NICN1: variants seen among roughly 807,000 people sequenced by gnomAD.
The protein encoded by NICN1 is nicolin 1, tubulin polyglutamylase complex subunit, also known as nicolin-1.
Under a neutral mutation model 26.3 loss-of-function variants are expected in NICN1, and 18 were observed. The ratio of observed to expected loss-of-function variants is 0.68; its 90% CI spans 0.47 to 1.01. The LOEUF is 1.01. Among genes scored for constraint, NICN1 ranks in the 50% least tolerant of loss-of-function variants. NICN1 has a pLI of 0.00. For synonymous variants in NICN1, 109 were observed against 111.0 expected, an observed-to-expected ratio of 0.98 and a Z score of 0.11; for missense variants, 239 against 278.3, an observed-to-expected ratio of 0.86 and a Z score of 1.00.
intron 1 of NICN1, 97 bp from the exon 2 acceptor site, chr3:49,426,525 T>C: frequency 2.4e-6 from 2 of 829,154 alleles, no homozygotes; most frequent in Non-Finnish European, 3.8e-6. Flanking sequence ...TCTCCCCACC[T>C]TTTCTTTTTT....
At position 49,422,423 on chromosome 3, in the gene NICN1, G is replaced by A. The variant is rs774408322; in HGVS notation, c.*2410C>T. The stretch of plus-strand genomic sequence containing the variant: ...AATGCCTGCAGGCGAAAGCCCAGAC[G>A]GGCCACCACACTTACAGCCCTCTGC... On this transcript the variant is annotated 3_prime_UTR_variant, in exon 6 of 6. Coordinates refer to ENST00000273598, the MANE Select transcript of NICN1 (RefSeq NM_032316.3). 6.2e-6 allele frequency: 10 copies of A among 1,613,304 alleles called. No individual in the cohort carries two copies. The highest frequency in any genetic ancestry group is 1.1e-5 in the South Asian group (1 of 91,072).
At chr3:49,427,659 A>G (rs1236125059) in intron 1 of NICN1, among the ~76,000 whole-genome samples, 1 of 151,906 alleles carries the variant, frequency 6.6e-6, no homozygotes, top group East Asian at 1.9e-4. Flanking sequence ...AAAAAAAAAA[A>G]AAAAGAAATG....
intron 1 of NICN1, among the ~76,000 whole-genome samples, chr3:49,427,228 G>A (rs2049180182): frequency 6.6e-6 from 1 of 151,892 alleles, no homozygotes; most frequent in Admixed American, 6.6e-5. Flanking sequence ...GGCTGAGGCA[G>A]GAGAATGGCG....
chr3:49,426,315 G>C lies in NICN1; in HGVS notation c.246C>G (p.Cys82Trp). ...AKWVTCLRDY[C>W]LMPDPHSEEG... ...CCTCACTGTGTGGGTCAGGCATTAG[G>C]CAGTAGTCCCGCAGGCAGGTCACCC... Residue 82 changes from cysteine (C) to tryptophan (W), a missense_variant, in exon 2 of 6, where the codon TGC becomes TGG. Coordinates refer to ENST00000273598, the MANE Select transcript of NICN1 (RefSeq NM_032316.3). 1.2e-6 allele frequency: 2 copies of C among 1,614,212 alleles called. No homozygotes were observed. The highest frequency in any genetic ancestry group is 2.2e-5 in the South Asian group (2 of 91,086).
Position 49,425,070 on chromosome 3 carries a change from G to T in NICN1, c.496-17C>A, listed in dbSNP as rs1409003352. 1.2e-6 allele frequency: 2 copies of T among 1,601,522 alleles called. No homozygotes were observed. On this transcript the variant is annotated splice_polypyrimidine_tract_variant and intron_variant, in intron 4 of 5. Coordinates refer to ENST00000273598, the MANE Select transcript of NICN1 (RefSeq NM_032316.3). The stretch of plus-strand genomic sequence containing the variant: ...TGGGAGACCCTGCTCCAGAAGGAGG[G>T]GTCAGTGGCCATGGGTCTCTCCCCA...
chr3:49,428,061 A>C (rs1449412785), intron 1 of NICN1, among the ~76,000 whole-genome samples: 1 of 152,092 alleles, frequency 6.6e-6, no homozygotes, highest in East Asian at 1.9e-4. Flanking sequence ...TCTACTAAAA[A>C]TACAAAAATT....
rs1171686644 is a variant in NICN1 at position 49,424,870 on chromosome 3, T to C, written c.605A>G (p.Asp202Gly). 1 of 1,613,638 alleles carries C rather than the reference T, an allele frequency of 6.2e-7. No individual in the cohort carries two copies. Among genetic ancestry groups the C allele is most frequent in the East Asian group, 2.2e-5 (1 of 44,868 alleles). The change falls in exon 6 of 6, where the codon GAT (aspartate) becomes GGT (glycine). Residue 202 changes from aspartate (D) to glycine (G), a missense_variant. By Grantham distance (94) the Asp-to-Gly change is moderately conservative. Transcript: ENST00000273598. ...GAGCAAGTTCAGGTCATAACAGCCATCCACCTGAAATACAAAAGACCATCA... is the reference window on the plus strand; with the variant it reads ...GAGCAAGTTCAGGTCATAACAGCCACCCACCTGAAATACAAAAGACCATCA... Reference protein sequence around the residue: ...TSARIGRFDVDGCYDLNLLSY... With the variant: ...TSARIGRFDVGGCYDLNLLSY...
rs1172065675 is a variant in NICN1 at position 49,422,512 on chromosome 3, G to A, written c.*2321C>T. 2.0e-6 allele frequency: 3 copies of A among 1,535,588 alleles called. No homozygotes were observed. Among genetic ancestry groups the A allele is most frequent in the Non-Finnish European group, 8.9e-7 (1 of 1,118,898 alleles). Reference sequence around the variant, plus strand: ...CACCACACTGCCAGGCACGCCGGGAGATGTAGTCCAGGCCTCTGCTCGGAC... The same window carrying A: ...CACCACACTGCCAGGCACGCCGGGAAATGTAGTCCAGGCCTCTGCTCGGAC... On this transcript the variant is annotated 3_prime_UTR_variant, in exon 6 of 6. Coordinates refer to ENST00000273598, the MANE Select transcript of NICN1 (RefSeq NM_032316.3).
In NICN1 at chr3:49,429,262, T is replaced by G. The variant is rs755183254; in HGVS notation, c.-23A>C. On this transcript the variant is annotated 5_prime_UTR_variant, in exon 1 of 6. Coordinates refer to ENST00000273598, the MANE Select transcript of NICN1 (RefSeq NM_032316.3). ...CATGGTGACAGCAGCCGCAACTAAGTGCAACCGCCGCTCTAGGCCCCCGAC... is the reference window on the plus strand; with the variant it reads ...CATGGTGACAGCAGCCGCAACTAAGGGCAACCGCCGCTCTAGGCCCCCGAC... 4.5e-6 allele frequency: 7 copies of G among 1,571,734 alleles called. No individual in the cohort carries two copies. Among genetic ancestry groups the G allele is most frequent in the Non-Finnish European group, 6.1e-6 (7 of 1,155,910 alleles).
chr3:49,428,488 G>T (rs1167918262), intron 1 of NICN1, among the ~76,000 whole-genome samples: 1 of 152,128 alleles, frequency 6.6e-6, no homozygotes, highest in Non-Finnish European at 1.5e-5. Context: ...TTGGGAGGAC[G>T]AGGTAGGCGG....
At position 49,424,741 on chromosome 3, in the gene NICN1, G is replaced by A. The variant is rs1486202188; in HGVS notation, c.*92C>T. On this transcript the variant is annotated 3_prime_UTR_variant, in exon 6 of 6. Transcript: ENST00000273598. Reference sequence around the variant, plus strand: ...CAGAACAGGCATGCAGGCAACACTTGGAATGCACAGGAAATACACTTCAGC... The same window carrying A: ...CAGAACAGGCATGCAGGCAACACTTAGAATGCACAGGAAATACACTTCAGC... The A allele has an allele frequency of 2.0e-6, 2 of 1,019,258 alleles. No individual in the cohort carries two copies. The highest frequency in any genetic ancestry group is 1.6e-5 in the African/African-American group (1 of 63,382). 63.1% of individuals were successfully genotyped at this position (1,019,258 alleles called of 1,614,324 possible).
In NICN1 at chr3:49,429,257, C is replaced by A. The variant is rs747180776; in HGVS notation, c.-18G>T. ...CGGGACATGGTGACAGCAGCCGCAA[C>A]TAAGTGCAACCGCCGCTCTAGGCCC... On this transcript the variant is annotated 5_prime_UTR_variant, in exon 1 of 6. Coordinates refer to ENST00000273598, the MANE Select transcript of NICN1 (RefSeq NM_032316.3). The A allele has an allele frequency of 1.1e-5, 17 of 1,582,374 alleles. 1 individual carries two copies. The South Asian group carries it at 1.9e-4, about 18-fold the overall frequency.
Position 49,422,592 on chromosome 3 carries a change from G to C in NICN1, c.*2241C>G, listed in dbSNP as rs1053088222. On this transcript the variant is annotated 3_prime_UTR_variant, in exon 6 of 6. Coordinates refer to ENST00000273598, the MANE Select transcript of NICN1 (RefSeq NM_032316.3). ...GGGGGCGTGGGCAGCCCCAAGGGCA[G>C]GCTGGGATTTAGAGCAGAGAATGCA... 1 of 911,396 alleles carries C rather than the reference G, an allele frequency of 1.1e-6. No individual in the cohort carries two copies. The highest frequency in any genetic ancestry group is 2.6e-5 in the East Asian group (1 of 38,064). The allele number at this position is 911,396 out of a possible 1,614,324, so 56.5% of individuals were successfully genotyped here. A position where few individuals can be genotyped will look rare whatever the true frequency, so the allele number is the denominator to read the frequency against.
In NICN1 at chr3:49,423,284, AG is replaced by A. The variant is rs1260528147; in HGVS notation, c.*1548del. On this transcript the variant is annotated 3_prime_UTR_variant, in exon 6 of 6. Transcript: ENST00000273598. ...GCTTTGTAATAGCCACCAGGTGCAA[AG>A]CCAGGAAGAACCAGAGGGAAACAGG... 1 of 152,392 alleles carries A rather than the reference AG, an allele frequency of 6.6e-6. No homozygotes were observed. The highest frequency in any genetic ancestry group is 1.9e-4 in the East Asian group (1 of 5,196). The allele number at this position is 152,392 out of a possible 1,614,324, so 9.4% of individuals were successfully genotyped here.
chr3:49,422,593 G>C lies in NICN1; in HGVS notation c.*2240C>G, dbSNP rs1220374761. ...GGGGCGTGGGCAGCCCCAAGGGCAGGCTGGGATTTAGAGCAGAGAATGCAG... is the reference window on the plus strand; with the variant it reads ...GGGGCGTGGGCAGCCCCAAGGGCAGCCTGGGATTTAGAGCAGAGAATGCAG... On this transcript the variant is annotated 3_prime_UTR_variant, in exon 6 of 6. Transcript: ENST00000273598. The C allele has an allele frequency of 1.1e-6, 1 of 907,024 alleles. No homozygotes were observed. Among genetic ancestry groups the C allele is most frequent in the Non-Finnish European group, 1.8e-6 (1 of 565,548 alleles). 56.2% of individuals were successfully genotyped at this position (907,024 alleles called of 1,614,324 possible).
rs2049139621 is a variant in NICN1 at position 49,423,196 on chromosome 3, C to G, written c.*1637G>C. ...GCCACCAAAAGGTCACTGAACTCCC[C>G]CGAGAAAACTGTTGAGCCACACACA... is the stretch of plus-strand genomic sequence containing the variant. On this transcript the variant is annotated 3_prime_UTR_variant, in exon 6 of 6. Coordinates refer to ENST00000273598, the MANE Select transcript of NICN1 (RefSeq NM_032316.3). The G allele has an allele frequency of 6.5e-6, 1 of 154,232 alleles. No homozygotes were observed. 9.6% of individuals were successfully genotyped at this position (154,232 alleles called of 1,614,324 possible).
chr3:49,426,675 G>C (rs920657409), intron 1 of NICN1, among the ~76,000 whole-genome samples: 3 of 151,976 alleles, frequency 2.0e-5, no homozygotes, highest in Non-Finnish European at 4.4e-5. Context: ...CTACAGGTAC[G>C]TGCCACCACG....
chr3:49,425,400 T>C lies in NICN1; in HGVS notation c.462A>G (p.Pro154=), dbSNP rs761489801. 7.4e-6 allele frequency: 12 copies of C among 1,613,144 alleles called. No individual in the cohort carries two copies. The Admixed American group carries it at 1.5e-4, about 20-fold the overall frequency. The change falls in exon 4 of 6, where the codon CCA becomes CCG. Residue 154 remains proline (P), a synonymous_variant. Coordinates refer to ENST00000273598, the MANE Select transcript of NICN1 (RefSeq NM_032316.3). ...GGAGTGCAGGTTGCTCACAGGGCAC[T>C]GGGTGGGAGAGCCACTTGGGAAAGG... ...SVTFPKWLSH[P]VPCEQPALLR...
intron 4 of NICN1, 92 bp downstream of exon 4, chr3:49,425,275 C>A: frequency 8.7e-7 from 1 of 1,147,840 alleles, no homozygotes; most frequent in Non-Finnish European, 1.3e-6. Context: ...GCCCTGGGCC[C>A]AGCCCCAGAA....
Sources: gnomAD v4.1 joint callset for allele counts (sites outside exome capture counted in the v4.1 genomes callset) on GRCh38, gnomAD v4.1.1 for gene constraint, MANE v1.5 for transcripts, NCBI Gene and HGNC (gene_info 2026-07-23, HGNC 2026-07-21) for gene names.